PPP2R2C: variants seen among roughly 807,000 people sequenced by gnomAD.
PPP2R2C encodes protein phosphatase 2, regulatory subunit B, gamma.
In PPP2R2C, 10 loss-of-function variants were observed where a neutral mutation model predicts 45.3. That is an observed-to-expected ratio of 0.22 (90% CI 0.14 to 0.37). The LOEUF is 0.37. PPP2R2C is among the 10% of genes least tolerant of loss of function. The probability of loss-of-function intolerance (pLI) is 1.00; values close to 1 mark genes in which losing one functional copy is unlikely to be tolerated. For missense variants in PPP2R2C, 308 were observed against 619.7 expected (o/e 0.50, Z 5.34); for synonymous variants, 257 against 245.4 (o/e 1.05, Z -0.44).
At chr4:6,377,904 CG>C (rs1487914491) in intron 3 of PPP2R2C, among the ~76,000 whole-genome samples, 1 of 152,138 alleles carries the variant, frequency 6.6e-6, no homozygotes, top group Non-Finnish European at 1.5e-5. Flanking sequence ...ATTAAGAGGC[CG>C]GCCGGGGTCC....
chr4:6,378,691 A>G lies in PPP2R2C; in HGVS notation c.169-119T>C. ...AAGTGCCGAGCCGTGCCAGGGATCC[A>G]ATTCGAGGGTCAAATGAAACTCTCT... is the stretch of plus-strand genomic sequence containing the variant. On this transcript the variant is annotated intron_variant, in intron 2 of 8. Coordinates refer to ENST00000382599, the MANE Select transcript of PPP2R2C (RefSeq NM_020416.4). This position sits in a 1 kb window ranked among gnomAD's most constrained non-coding sequence, Gnocchi z 5.2. 3 of 1,072,278 alleles carry G rather than the reference A, an allele frequency of 2.8e-6. No homozygotes were observed. The highest frequency in any genetic ancestry group is 1.6e-5 in the African/African-American group (1 of 63,192). The allele number at this position is 1,072,278 out of a possible 1,614,324, so 66.4% of individuals were successfully genotyped here. A position where few individuals can be genotyped will look rare whatever the true frequency, so the allele number is the denominator to read the frequency against.
chr4:6,483,694 G>A (rs575557067), intron 2 of PPP2R2C, among the ~76,000 whole-genome samples: 67 of 152,050 alleles, frequency 4.4e-4, no homozygotes, highest in Non-Finnish European at 1.6e-4. Flanking sequence ...TATCAGACAC[G>A]TGCTTTACAG....
At chr4:6,549,922 T>A (rs1189509844) in intron 1 of PPP2R2C, among the ~76,000 whole-genome samples, 1 of 152,214 alleles carries the variant, frequency 6.6e-6, no homozygotes, top group Non-Finnish European at 1.5e-5. Context: ...GCTCAACTGA[T>A]GCTTGCAGAG....
At chr4:6,333,126 G>A (rs1382102201) in intron 7 of PPP2R2C, among the ~76,000 whole-genome samples, 1 of 152,214 alleles carries the variant, frequency 6.6e-6, no homozygotes, top group African/African-American at 2.4e-5. Flanking sequence ...GGAAACATGT[G>A]CTCAGTTCAC....
chr4:6,377,558 C>G (rs1346855848), intron 3 of PPP2R2C, among the ~76,000 whole-genome samples: 1 of 152,174 alleles, frequency 6.6e-6, no homozygotes, highest in Non-Finnish European at 1.5e-5. Flanking sequence ...ACTCGGGAGG[C>G]TGAGGCAGAA....
At chr4:6,439,071 C>A (rs779344601) in intron 1 of PPP2R2C, among the ~76,000 whole-genome samples, 3 of 152,220 alleles carry the variant, frequency 2.0e-5, no homozygotes, top group Non-Finnish European at 4.4e-5. Flanking sequence ...ATTACCACAC[C>A]TATTCCTAGA....
rs1272571356 is a variant in PPP2R2C, at chr4:6,388,205, G to A, written c.71-7111C>T. On this transcript the variant is annotated intron_variant, in intron 1 of 8. Transcript: ENST00000382599. ...CAACCCCCAAGTGGAGAGGCACACA[G>A]GAGCCACTGAACAAGGAGGCCTCAG... Among the ~76,000 whole-genome samples the A allele has an allele frequency of 3.3e-5, 5 of 152,300 alleles. No homozygotes were observed. The East Asian group carries it at 9.7e-4, about 29-fold the overall frequency.
chr4:6,466,539 A>T (rs1036231089), intron 1 of PPP2R2C, among the ~76,000 whole-genome samples: 2 of 152,102 alleles, frequency 1.3e-5, no homozygotes, highest in Non-Finnish European at 2.9e-5. Context: ...CATGGGCATT[A>T]AAAAAAGACT....
intron 1 of PPP2R2C, among the ~76,000 whole-genome samples, chr4:6,415,835 G>A (rs62284476): frequency 0.26 from 39,521 of 152,054 alleles, 5,813 homozygotes; most frequent in East Asian, 0.61. Flanking sequence ...TACCTCCTAC[G>A]ATGGGGAGCT....
intron 1 of PPP2R2C, among the ~76,000 whole-genome samples, chr4:6,415,374 TCTG>T (rs1718506957): frequency 6.6e-6 from 1 of 152,226 alleles, no homozygotes; most frequent in African/African-American, 2.4e-5. Context: ...CTTCACTGTT[TCTG>T]CTTTTTTAAA....
intron 2 of PPP2R2C, among the ~76,000 whole-genome samples, chr4:6,516,807 C>T (rs948507102): frequency 6.6e-6 from 1 of 152,138 alleles, no homozygotes; most frequent in Admixed American, 6.5e-5. Context: ...AAACAGTTGG[C>T]GCAATGCAGT....
chr4:6,328,568 A>C lies in PPP2R2C; in HGVS notation c.1052+694T>G, dbSNP rs1397012103. Among the ~76,000 whole-genome samples the C allele has an allele frequency of 6.6e-6, 1 of 152,198 alleles. No individual in the cohort carries two copies. The highest frequency in any genetic ancestry group is 1.9e-4 in the East Asian group (1 of 5,190). ...AATCCCAGAGAAGAGACACAGAGGTAAGGACCCACGGGTAGAGGTCAGGTC... is the reference window on the plus strand; with the variant it reads ...AATCCCAGAGAAGAGACACAGAGGTCAGGACCCACGGGTAGAGGTCAGGTC... On this transcript the variant is annotated intron_variant, in intron 8 of 8. Transcript: ENST00000382599. The surrounding 1 kb of genome is among the most constrained non-coding windows in gnomAD (Gnocchi z 4.4).
intron 5 of PPP2R2C, among the ~76,000 whole-genome samples, chr4:6,356,468 C>A (rs1383784244): frequency 6.6e-6 from 1 of 152,218 alleles, no homozygotes; most frequent in African/African-American, 2.4e-5. Flanking sequence ...CCCTCCGTGG[C>A]TCCAGAGTGC....
At chr4:6,349,414 G>C (rs1177247383) in intron 5 of PPP2R2C, 1 of 974,746 alleles carries the variant, frequency 1.0e-6, no homozygotes, top group Non-Finnish European at 1.2e-6. Flanking sequence ...AAGATCATCA[G>C]AGGCAAAGCC....
intron 1 of PPP2R2C, among the ~76,000 whole-genome samples, chr4:6,549,649 C>A (rs924716453): frequency 2.6e-5 from 4 of 152,230 alleles, no homozygotes; most frequent in African/African-American, 9.6e-5. Flanking sequence ...TCTGATGACA[C>A]CTGCTGGCTG....
At chr4:6,451,520 TG>T (rs1560557593) in intron 1 of PPP2R2C, among the ~76,000 whole-genome samples, 1 of 152,118 alleles carries the variant, frequency 6.6e-6, no homozygotes, top group Non-Finnish European at 1.5e-5. Flanking sequence ...CAGCGCGGGC[TG>T]GGGTCTGCTT....
At chr4:6,418,708 G>A (rs1560533871) in intron 1 of PPP2R2C, among the ~76,000 whole-genome samples, 1 of 152,232 alleles carries the variant, frequency 6.6e-6, no homozygotes, top group Non-Finnish European at 1.5e-5. Context: ...GGACAATGGT[G>A]TGTCATGGAA....
intron 1 of PPP2R2C, among the ~76,000 whole-genome samples, chr4:6,416,649 C>A (rs1202931759): frequency 2.6e-5 from 4 of 152,248 alleles, no homozygotes; most frequent in Non-Finnish European, 4.4e-5. Flanking sequence ...GCTGCAGCCA[C>A]CCCGATGCGC....
chr4:6,464,821 AC>A (rs1475323211), intron 1 of PPP2R2C, among the ~76,000 whole-genome samples: 10 of 151,370 alleles, frequency 6.6e-5, no homozygotes, highest in Non-Finnish European at 1.5e-4. Context: ...GGGGGTCTTC[AC>A]ACACACAAAT....
Sources: gnomAD v4.1 joint callset for allele counts (sites outside exome capture counted in the v4.1 genomes callset) on GRCh38, gnomAD v4.1.1 for gene constraint, Gnocchi (gnomAD v3.1) non-coding constraint, MANE v1.5 for transcripts, NCBI Gene and HGNC (gene_info 2026-07-23, HGNC 2026-07-21) for gene names.